Variants in DOP1B observed in about 807,000 individuals in gnomAD.
The protein encoded by DOP1B is DOP1 leucine zipper like protein B.
Under a neutral mutation model 233.5 loss-of-function variants are expected in DOP1B, and 174 were observed. The ratio of observed to expected loss-of-function variants is 0.75; its 90% confidence interval spans 0.66 to 0.85. The LOEUF (loss-of-function observed/expected upper bound fraction) is 0.85, where lower values mean the gene tolerates loss of function less well. Ranked by LOEUF, DOP1B falls within the 40% of genes least tolerant of loss-of-function variation. The pLI is 0.00. For missense variants in DOP1B, 2,652 were observed against 2,846.6 expected (o/e 0.93, Z 1.56); for synonymous variants, 1,190 against 1,185.6 (o/e 1.00, Z -0.08).
chr21:36,288,418 C>T (rs768301767), intron 33 of DOP1B, among the ~76,000 whole-genome samples: 4 of 152,158 alleles, frequency 2.6e-5, no homozygotes, highest in South Asian at 2.1e-4. Flanking sequence ...TTGGGCTGGG[C>T]GTGGTAGCTT....
chr21:36,251,720 C>T (rs773629869), intron 22 of DOP1B, among the ~76,000 whole-genome samples: 9 of 152,158 alleles, frequency 5.9e-5, no homozygotes, highest in African/African-American at 1.2e-4. Flanking sequence ...CACACCTTGC[C>T]GATTTCATCA....
intron 35 of DOP1B, among the ~76,000 whole-genome samples, chr21:36,289,424 GGTGTGTGTGTGTGTGTGTGTGTGTGTGT>G (rs59907412): frequency 2.1e-5 from 3 of 144,952 alleles, no homozygotes; most frequent in African/African-American, 7.5e-5. Flanking sequence ...GTGTTTCTAT[GGTGTGTGTGTGTGTGTGTGTGTGTGTGT>G]GTGTGTGTGT....
rs113682189 is a variant in DOP1B, at chr21:36,227,453, A to G, written c.1474-233A>G. On this transcript the variant is annotated intron_variant, in intron 12 of 36. Transcript: ENST00000691173. The stretch of plus-strand genomic sequence containing the variant: ...TCCCAGCTGCTCGGGAGGCTGAGGC[A>G]GGAGAATGGCGTGAACCCGGGAGGC... 2.9e-3 allele frequency among the ~76,000 whole-genome samples: 439 copies of G among 151,756 alleles called. 4 individuals carry two copies. The highest frequency in any genetic ancestry group is 9.8e-3 in the African/African-American group (407 of 41,372).
At position 36,245,953 on chromosome 21, in the gene DOP1B, T is replaced by A; in HGVS notation, c.3973T>A (p.Ser1325Thr). The A allele has an allele frequency of 6.2e-7, 1 of 1,613,952 alleles. No individual in the cohort carries two copies. The highest frequency in any genetic ancestry group is 8.5e-7 in the Non-Finnish European group (1 of 1,180,010). The change falls in exon 19 of 37, where the codon TCC (serine) becomes ACC (threonine). Residue 1325 changes from serine to threonine, a missense_variant. Physicochemically the swap from Ser to Thr is moderately conservative, Grantham distance 58. Around this residue, in one of 3 missense-constraint regions of DOP1B, gnomAD observed 2,617 missense variants for 2,794.3 expected, o/e 0.94. Coordinates refer to ENST00000691173, the MANE Select transcript of DOP1B (RefSeq NM_001320714.2). This position sits in a 1 kb window ranked among gnomAD's most constrained non-coding sequence, Gnocchi z 5.5. ...CTACCTCTGCCTGAGCTTCCTGCGCTCCTACTACCCTTGCTATTTGAAGGT... is the reference window on the plus strand; with the variant it reads ...CTACCTCTGCCTGAGCTTCCTGCGCACCTACTACCCTTGCTATTTGAAGGT... Reference protein sequence around the residue: ...LTYLCLSFLRSYYPCYLKVSH... With the variant: ...LTYLCLSFLRTYYPCYLKVSH...
intron 2 of DOP1B, among the ~76,000 whole-genome samples, chr21:36,185,606 C>G (rs16993983): frequency 0.012 from 1,851 of 152,228 alleles, 46 homozygotes; most frequent in African/African-American, 0.041. Flanking sequence ...CTTGTGAAGC[C>G]CACACTCCAG....
intron 35 of DOP1B, among the ~76,000 whole-genome samples, chr21:36,291,495 G>A (rs1029721627): frequency 6.6e-6 from 1 of 152,214 alleles, no homozygotes; most frequent in Non-Finnish European, 1.5e-5. Context: ...GGGAGGTGGA[G>A]GTTGCAGGGA....
chr21:36,245,898 C>A lies in DOP1B; in HGVS notation c.3918C>A (p.Cys1306Ter). ...GKLQTQVPNV[C>*]PHSLLLELLT... ...TCCAGACCCAGGTCCCCAACGTGTG[C>A]CCCCACTCTCTGCTCCTGGAGCTGC... The change falls in exon 19 of 37, where the codon TGC becomes TGA. Residue 1306 changes from cysteine (C) to a stop codon, truncating the protein, a stop_gained. Coordinates refer to ENST00000691173, the MANE Select transcript of DOP1B (RefSeq NM_001320714.2). LOFTEE classifies it high-confidence loss of function. The surrounding 1 kb of genome is among the most constrained non-coding windows in gnomAD (Gnocchi z 5.5). 6.2e-7 allele frequency: 1 copy of A among 1,613,744 alleles called. No individual in the cohort carries two copies. Among genetic ancestry groups the A allele is most frequent in the Non-Finnish European group, 8.5e-7 (1 of 1,180,008 alleles).
intron 18 of DOP1B, among the ~76,000 whole-genome samples, chr21:36,241,616 C>T (rs898955734): frequency 1.4e-5 from 2 of 140,328 alleles, no homozygotes; most frequent in African/African-American, 5.3e-5. Flanking sequence ...TCAAGTGATT[C>T]TCCTGCCTCA....
intron 27 of DOP1B, among the ~76,000 whole-genome samples, chr21:36,275,419 G>A (rs1190363775): frequency 6.6e-6 from 1 of 152,016 alleles, no homozygotes; most frequent in South Asian, 2.1e-4. Flanking sequence ...TTGAGCCCAG[G>A]AGTTCGAGAC....
chr21:36,223,091 A>G lies in DOP1B; in HGVS notation c.1251-140A>G, dbSNP rs141559348. On this transcript the variant is annotated intron_variant, in intron 10 of 36. Coordinates refer to ENST00000691173, the MANE Select transcript of DOP1B (RefSeq NM_001320714.2). ...ATGCAAACACATTATAAGAACAGTA[A>G]TATTTTCATTTTTATCAGGGTGTGT... is the stretch of plus-strand genomic sequence containing the variant. 7.4e-5 allele frequency: 57 copies of G among 766,076 alleles called. No homozygotes were observed. The East Asian group carries it at 1.4e-3, about 19-fold the overall frequency. The allele number at this position is 766,076 out of a possible 1,614,324, so 47.5% of individuals were successfully genotyped here.
intron 2 of DOP1B, among the ~76,000 whole-genome samples, chr21:36,183,508 T>C (rs563889184): frequency 6.6e-6 from 1 of 152,366 alleles, no homozygotes; most frequent in Non-Finnish European, 1.5e-5. Context: ...TGGACGTACT[T>C]GTCTGTTGAC....
intron 4 of DOP1B, among the ~76,000 whole-genome samples, chr21:36,206,845 C>G (rs771648860): frequency 7.2e-5 from 11 of 152,206 alleles, no homozygotes; most frequent in Non-Finnish European, 1.5e-4. Context: ...ATCGCCCTGC[C>G]TACTTCTTCT....
chr21:36,248,377 T>C lies in DOP1B; in HGVS notation c.4810-3T>C, dbSNP rs1255495134. ...TGCCTCATGTATTCATTTTAATTTT[T>C]AGACCATGGCTGCAGGTGATCCTGC... On this transcript the variant is annotated splice_polypyrimidine_tract_variant and splice_region_variant and intron_variant, in intron 20 of 36. Transcript: ENST00000691173. 6.2e-7 allele frequency: 1 copy of C among 1,612,348 alleles called. No homozygotes were observed. Among genetic ancestry groups the C allele is most frequent in the South Asian group, 1.1e-5 (1 of 90,800 alleles).
intron 10 of DOP1B, among the ~76,000 whole-genome samples, chr21:36,221,431 G>A (rs2066621379): frequency 6.6e-6 from 1 of 151,894 alleles, no homozygotes; most frequent in Admixed American, 6.5e-5. Context: ...GGAGGTGGAG[G>A]CTGCAGTGAG....
intron 2 of DOP1B, among the ~76,000 whole-genome samples, chr21:36,183,866 CT>C (rs869202145): frequency 3.2e-3 from 445 of 137,326 alleles, no homozygotes; most frequent in Middle Eastern, 3.9e-3. Context: ...TACATGGTTT[CT>C]TTTTTTTTTT....
intron 4 of DOP1B, among the ~76,000 whole-genome samples, chr21:36,206,130 T>G (rs1411161716): frequency 6.6e-6 from 1 of 152,252 alleles, no homozygotes; most frequent in East Asian, 1.9e-4. Flanking sequence ...TAACCCCGTT[T>G]ATTTTGCTCT....
chr21:36,292,305 A>T, intron 36 of DOP1B, 72 bp downstream of exon 36: 1 of 1,295,062 alleles, frequency 7.7e-7, no homozygotes, highest in Non-Finnish European at 1.0e-6. Context: ...CACCCAGGTT[A>T]GAGTGCAGTG....
In DOP1B at chr21:36,208,816, C is replaced by G. The variant is rs373279668; in HGVS notation, c.593C>G (p.Pro198Arg). 1.9e-6 allele frequency: 3 copies of G among 1,605,864 alleles called. No individual in the cohort carries two copies. Among genetic ancestry groups the G allele is most frequent in the Non-Finnish European group, 2.6e-6 (3 of 1,176,018 alleles). The change falls in exon 5 of 37, where the codon CCT (proline) becomes CGT (arginine). Residue 198 changes from proline (P) to arginine (R), a missense_variant. By Grantham distance (103) the Pro-to-Arg change is moderately radical. Coordinates refer to ENST00000691173, the MANE Select transcript of DOP1B (RefSeq NM_001320714.2). ...CTGGCCAGCCCGTCCATCCGCCTCCCTGCCTCAGTCTTCGTGGTGGGCCAC... is the reference window on the plus strand; with the variant it reads ...CTGGCCAGCCCGTCCATCCGCCTCCGTGCCTCAGTCTTCGTGGTGGGCCAC... ...SVLASPSIRL[P>R]ASVFVVGHIN... is the part of the protein sequence containing the mutation.
At chr21:36,240,998 G>T (rs2066886336) in intron 18 of DOP1B, among the ~76,000 whole-genome samples, 1 of 152,158 alleles carries the variant, frequency 6.6e-6, no homozygotes, top group East Asian at 1.9e-4. Context: ...CAAGACAAGG[G>T]TTAAAAAGTA....
Sources: gnomAD v4.1 joint callset for allele counts (sites outside exome capture counted in the v4.1 genomes callset) on GRCh38, gnomAD v4.1.1 for gene constraint, gnomAD v4.1.1 regional missense constraint, Gnocchi (gnomAD v3.1) non-coding constraint, MANE v1.5 for transcripts, NCBI Gene and HGNC (gene_info 2026-07-23, HGNC 2026-07-21) for gene names.